Variants in MGAT4C observed in about 807,000 individuals in gnomAD.
The protein encoded by MGAT4C is alpha-1,3-mannosyl-glycoprotein 4-beta-N-acetylglucosaminyltransferase C.
MGAT4C carries 19 observed loss-of-function variants against 40.1 expected under a neutral mutation model. The observed-to-expected ratio is 0.47, with a 90% CI of 0.33 to 0.70. MGAT4C has a LOEUF of 0.70. Among genes scored for constraint, MGAT4C ranks in the 30% least tolerant of loss-of-function variants. The pLI, the probability that MGAT4C is intolerant of heterozygous loss-of-function variation, is 0.02. For missense variants in MGAT4C, 491 were observed against 563.2 expected, an observed-to-expected ratio of 0.87 and a Z score of 1.30; for synonymous variants, 181 against 187.1, an observed-to-expected ratio of 0.97 and a Z score of 0.27.
intron 2 of MGAT4C, among the ~76,000 whole-genome samples, chr12:86,028,961 G>A (rs1349411942): frequency 1.3e-5 from 2 of 151,834 alleles, no homozygotes; most frequent in Non-Finnish European, 2.9e-5. Flanking sequence ...AGTATGCACT[G>A]TCTTCTCTAT....
At chr12:86,195,345 T>G in intron 1 of MGAT4C, among the ~76,000 whole-genome samples, 1 of 152,170 alleles carries the variant, frequency 6.6e-6, no homozygotes, top group Admixed American at 6.5e-5. Context: ...TTTTGTCTTC[T>G]ATAGGCCAGT....
At chr12:86,289,306 G>T (rs1354045117) in intron 4 of MGAT4C, among the ~76,000 whole-genome samples, 1 of 152,064 alleles carries the variant, frequency 6.6e-6, no homozygotes, top group Non-Finnish European at 1.5e-5. Context: ...TTTGGTTACT[G>T]TTGCCTTGTA....
At chr12:86,367,475 C>T (rs1385753687) in intron 3 of MGAT4C, among the ~76,000 whole-genome samples, 7 of 152,142 alleles carry the variant, frequency 4.6e-5, no homozygotes, top group Non-Finnish European at 7.3e-5. Context: ...TCCAAGCCTC[C>T]GCTGAATGCT....
chr12:86,530,683 C>A (rs1290618771), intron 2 of MGAT4C, among the ~76,000 whole-genome samples: 1 of 151,972 alleles, frequency 6.6e-6, no homozygotes, highest in Non-Finnish European at 1.5e-5. Context: ...TTTCAAAAAG[C>A]AATATAGTAG....
intron 1 of MGAT4C, among the ~76,000 whole-genome samples, chr12:86,172,246 A>AT (rs1460002417): frequency 3.3e-5 from 5 of 152,282 alleles, no homozygotes; most frequent in Admixed American, 3.3e-4. Context: ...AAAAATTAAC[A>AT]TAGGTTCAGC....
intron 1 of MGAT4C, among the ~76,000 whole-genome samples, chr12:86,778,717 A>T (rs1777274009): frequency 6.6e-6 from 1 of 152,202 alleles, no homozygotes; most frequent in Admixed American, 6.5e-5. Flanking sequence ...TTATGTTTTC[A>T]AAACTTTTCA....
intron 2 of MGAT4C, among the ~76,000 whole-genome samples, chr12:86,512,614 A>G (rs1330178013): frequency 6.6e-6 from 1 of 152,170 alleles, no homozygotes; most frequent in Non-Finnish European, 1.5e-5. Flanking sequence ...AAACAAGAAA[A>G]TTCTGCAATA....
chr12:86,762,065 T>C (rs1333315679), intron 1 of MGAT4C, among the ~76,000 whole-genome samples: 1 of 151,880 alleles, frequency 6.6e-6, no homozygotes, highest in African/African-American at 2.4e-5. Context: ...TTTTTTTTTT[T>C]TTCTTAGACA....
At chr12:86,192,901 A>G (rs1269727191) in intron 1 of MGAT4C, among the ~76,000 whole-genome samples, 1 of 152,098 alleles carries the variant, frequency 6.6e-6, no homozygotes, top group Non-Finnish European at 1.5e-5. Context: ...TTTTCCTTGG[A>G]TAAGTTATTG....
At chr12:86,484,571 T>C (rs994327021) in intron 2 of MGAT4C, among the ~76,000 whole-genome samples, 1 of 152,194 alleles carries the variant, frequency 6.6e-6, no homozygotes, top group Non-Finnish European at 1.5e-5. Context: ...AGCTGAGTGT[T>C]GATCCCAATC....
chr12:86,110,985 T>C (rs117104792), intron 1 of MGAT4C, among the ~76,000 whole-genome samples: 3,095 of 151,928 alleles, frequency 0.02, 56 homozygotes, highest in Non-Finnish European at 0.032. Context: ...TTCATGTATA[T>C]GAAATGAATT....
chr12:86,614,307 C>A (rs2136479387), intron 2 of MGAT4C, among the ~76,000 whole-genome samples: 1 of 152,148 alleles, frequency 6.6e-6, no homozygotes, highest in Non-Finnish European at 1.5e-5. Flanking sequence ...GAAGGCTGTG[C>A]AGCATGACAT....
intron 1 of MGAT4C, among the ~76,000 whole-genome samples, chr12:86,085,288 T>A (rs1191900928): frequency 1.3e-5 from 2 of 152,138 alleles, no homozygotes; most frequent in East Asian, 3.8e-4. Context: ...CATGCCTATG[T>A]CCTGAACAGT....
intron 2 of MGAT4C, among the ~76,000 whole-genome samples, chr12:86,026,547 C>T (rs967207302): frequency 2.0e-5 from 3 of 151,870 alleles, no homozygotes; most frequent in Admixed American, 6.6e-5. Flanking sequence ...CAAATACTAT[C>T]TTACAAAAAT....
At chr12:86,497,893 A>AAT (rs71078904) in intron 2 of MGAT4C, among the ~76,000 whole-genome samples, 16,385 of 133,638 alleles carry the variant, frequency 0.12, 1,063 homozygotes, top group South Asian at 0.21. Context: ...GAAATTCCTA[A>AAT]ATATATATAT....
intron 2 of MGAT4C, among the ~76,000 whole-genome samples, chr12:86,663,334 A>G (rs2136551741): frequency 7.0e-6 from 1 of 142,066 alleles, no homozygotes; most frequent in African/African-American, 2.8e-5. Context: ...TGAGTGAAAA[A>G]GTGATACCTC....
At chr12:86,480,470 A>G (rs924169187) in intron 2 of MGAT4C, among the ~76,000 whole-genome samples, 3 of 120,734 alleles carry the variant, frequency 2.5e-5, no homozygotes, top group African/African-American at 6.2e-5. Context: ...ACACATATAC[A>G]TATGTATGTA....
chr12:86,326,324 ACACAC>A, intron 4 of MGAT4C, among the ~76,000 whole-genome samples: 1 of 151,632 alleles, frequency 6.6e-6, no homozygotes, highest in East Asian at 1.9e-4. Context: ...ACACACACAC[ACACAC>A]ACACGGTAAT....
intron 3 of MGAT4C, among the ~76,000 whole-genome samples, chr12:86,409,561 T>C (rs1490452751): frequency 6.6e-6 from 1 of 152,148 alleles, no homozygotes; most frequent in Non-Finnish European, 1.5e-5. Context: ...AAAAATTACT[T>C]CTACAAGGAC....
Sources: allele counts gnomAD v4.1 joint callset (sites outside exome capture counted in the v4.1 genomes callset), GRCh38; gene constraint gnomAD v4.1.1; transcripts MANE v1.5; gene names NCBI Gene and HGNC (gene_info 2026-07-23, HGNC 2026-07-21).